The following CLUAP1 variants were observed in gnomAD, a reference collection of about 807,000 sequenced individuals.
The protein encoded by CLUAP1 is clusterin-associated protein 1.
A neutral mutation model predicts 55.0 loss-of-function variants in CLUAP1; 50 were observed. That is an observed-to-expected ratio of 0.91 (90% CI 0.72 to 1.15). The LOEUF (loss-of-function observed/expected upper bound fraction) is 1.15, where lower values mean the gene tolerates loss of function less well. Among genes scored for constraint, CLUAP1 ranks in the 50% most tolerant of loss-of-function variants. The pLI is 0.00. For synonymous variants in CLUAP1, 195 were observed against 175.4 expected, an observed-to-expected ratio of 1.11 and a Z score of -0.88; for missense variants, 530 against 507.6, an observed-to-expected ratio of 1.04 and a Z score of -0.42.
At chr16:3,500,197 C>A (rs940586354), upstream of CLUAP1, among the ~76,000 whole-genome samples, 1 of 152,164 alleles carries the variant, frequency 6.6e-6, no homozygotes. Context: ...CGGCTCAGGG[C>A]CCCTTTCCGG....
At chr16:3,497,347 G>T (rs2037325620), upstream of CLUAP1, among the ~76,000 whole-genome samples, 1 of 151,976 alleles carries the variant, frequency 6.6e-6, no homozygotes, top group Non-Finnish European at 1.5e-5. Context: ...AATAAAATAG[G>T]AATACATTTA....
intron 4 of CLUAP1, among the ~76,000 whole-genome samples, chr16:3,510,443 G>A (rs1415105470): frequency 2.0e-5 from 3 of 152,128 alleles, no homozygotes; most frequent in Non-Finnish European, 4.4e-5. Flanking sequence ...CCTCACATGT[G>A]GGTTTTTAAC....
chr16:3,528,625 G>T (rs1015365205), intron 9 of CLUAP1, among the ~76,000 whole-genome samples: 2 of 152,074 alleles, frequency 1.3e-5, no homozygotes, highest in African/African-American at 4.8e-5. Context: ...ATCCCATGCT[G>T]TCCCCGGGCC....
chr16:3,526,515 A>C, intron 9 of CLUAP1, 31 bp downstream of exon 9: 1 of 1,486,364 alleles, frequency 6.7e-7, no homozygotes, highest in Non-Finnish European at 9.2e-7. Context: ...CGAGCAGTTT[A>C]CTCTGGACTA....
chr16:3,528,290 GCCCACACACATGCT>G (rs937701212), intron 9 of CLUAP1, among the ~76,000 whole-genome samples: 1 of 152,018 alleles, frequency 6.6e-6, no homozygotes, highest in Non-Finnish European at 1.5e-5. Flanking sequence ...GAGGCATCAG[GCCCACACACATGCT>G]CCCACACACA....
upstream of CLUAP1, chr16:3,496,411 G>A (rs2037310712): frequency 9.8e-7 from 1 of 1,017,872 alleles, no homozygotes; most frequent in Non-Finnish European, 1.5e-6. Context: ...TGATCCGGAA[G>A]ATGAAGCTTC....
intron 2 of CLUAP1, among the ~76,000 whole-genome samples, 159 bp downstream of exon 2, chr16:3,504,990 A>C (rs1213150154): frequency 1.3e-5 from 2 of 152,222 alleles, no homozygotes; most frequent in African/African-American, 2.4e-5. Flanking sequence ...GGCTGGGCAC[A>C]GTGGCTCACT....
At chr16:3,521,425 T>G (rs991813553) in intron 7 of CLUAP1, among the ~76,000 whole-genome samples, 6 of 151,240 alleles carry the variant, frequency 4.0e-5, no homozygotes, top group South Asian at 4.2e-4. Context: ...ATTTTTATGG[T>G]TTTTTTTGTT....
chr16:3,500,263 T>A (rs1460885088), upstream of CLUAP1, among the ~76,000 whole-genome samples: 1 of 152,192 alleles, frequency 6.6e-6, no homozygotes, highest in Non-Finnish European at 1.5e-5. Flanking sequence ...CTGGCCTGCC[T>A]CTGGGCGCCC....
upstream of CLUAP1, chr16:3,496,160 ACATTCATCTTTCCGGACCTGGCCAAG>A (rs781186704): frequency 1.1e-3 from 487 of 448,524 alleles, 4 homozygotes; most frequent in African/African-American, 9.1e-3. Context: ...AAAAAGTTAA[ACATTCATCTTTCCGGACCTGGCCAAG>A]CAGGAAGCGC....
intron 2 of CLUAP1, 123 bp from the exon 3 acceptor site, chr16:3,506,208 T>G: frequency 1.3e-6 from 1 of 755,294 alleles, no homozygotes; most frequent in South Asian, 1.5e-5. Flanking sequence ...GATCTCACTC[T>G]CCCACTTGGG....
At position 3,501,054 on chromosome 16, in the gene CLUAP1, G is replaced by A. The variant is rs1180980660; in HGVS notation, c.-14G>A. 1.3e-6 allele frequency: 2 copies of A among 1,599,504 alleles called. No individual in the cohort carries two copies. Among genetic ancestry groups the A allele is most frequent in the Non-Finnish European group, 1.7e-6 (2 of 1,176,252 alleles). On this transcript the variant is annotated 5_prime_UTR_variant, in exon 1 of 12. Coordinates refer to ENST00000576634, the MANE Select transcript of CLUAP1 (RefSeq NM_015041.3). ...GAGCAGTTGCGACCCTGGGCTCCTG[G>A]GGACCTGAGCGTTATGTCTTTCCGC...
chr16:3,510,274 G>A (rs866365446), intron 4 of CLUAP1, among the ~76,000 whole-genome samples: 3 of 151,200 alleles, frequency 2.0e-5, no homozygotes, highest in African/African-American at 4.9e-5. Context: ...GATTACAGGC[G>A]TGAGCCACCG....
chr16:3,510,414 C>T (rs1463381241), intron 4 of CLUAP1, among the ~76,000 whole-genome samples: 4 of 151,922 alleles, frequency 2.6e-5, no homozygotes, highest in Non-Finnish European at 4.4e-5. Context: ...GGATTATAGG[C>T]GTGAGCCACC....
At chr16:3,514,574 C>G (rs1330449902) in intron 5 of CLUAP1, among the ~76,000 whole-genome samples, 2 of 152,152 alleles carry the variant, frequency 1.3e-5, no homozygotes, top group Admixed American at 6.5e-5. Context: ...GCTGCCGTCC[C>G]AAAACACAAT....
At chr16:3,497,227 T>G (rs1006667524), upstream of CLUAP1, among the ~76,000 whole-genome samples, 1 of 151,340 alleles carries the variant, frequency 6.6e-6, no homozygotes, top group Non-Finnish European at 1.5e-5. Flanking sequence ...AAAAAAATCC[T>G]GAACCTAGTA....
intron 10 of CLUAP1, among the ~76,000 whole-genome samples, 174 bp downstream of exon 10, chr16:3,530,849 T>A (rs1437895503): frequency 6.6e-6 from 1 of 152,158 alleles, no homozygotes; most frequent in Non-Finnish European, 1.5e-5. Context: ...CTTGAACTGC[T>A]CAGTGGTCAT....
chr16:3,524,318 A>G (rs1314444008), intron 8 of CLUAP1, among the ~76,000 whole-genome samples: 5 of 151,136 alleles, frequency 3.3e-5, no homozygotes, highest in African/African-American at 7.3e-5. Context: ...AAAAAAAAAA[A>G]GGGCCGGGCG....
At chr16:3,516,549 A>G (rs1166264467) in intron 6 of CLUAP1, among the ~76,000 whole-genome samples, 1 of 152,156 alleles carries the variant, frequency 6.6e-6, no homozygotes, top group Non-Finnish European at 1.5e-5. Flanking sequence ...GAAAAAAGTC[A>G]CAAAAATGTC....
Sources: gnomAD v4.1 joint callset for allele counts (sites outside exome capture counted in the v4.1 genomes callset) on GRCh38, gnomAD v4.1.1 for gene constraint, MANE v1.5 for transcripts, NCBI Gene and HGNC (gene_info 2026-07-23, HGNC 2026-07-21) for gene names.